The following HECTD4 variants were observed in gnomAD, a reference collection of about 807,000 sequenced individuals.
HECTD4 encodes HECT domain E3 ubiquitin protein ligase 4.
In HECTD4, 114 loss-of-function variants were observed where a neutral mutation model predicts 471.5. The observed-to-expected ratio is 0.24, with a 90% CI of 0.21 to 0.28. The LOEUF (loss-of-function observed/expected upper bound fraction) is 0.28. Among genes scored for constraint, HECTD4 ranks in the 10% least tolerant of loss-of-function variants. The pLI is 1.00. For synonymous variants in HECTD4, 2,012 were observed against 2,256.0 expected (o/e 0.89, Z 3.07); for missense variants, 3,866 against 5,651.5 (o/e 0.68, Z 10.13).
Position 112,172,856 on chromosome 12 carries a change from G to A in HECTD4, c.11600C>T (p.Ala3867Val). 2 of 1,613,902 alleles carry A rather than the reference G, an allele frequency of 1.2e-6. No homozygotes were observed. Among genetic ancestry groups the A allele is most frequent in the Non-Finnish European group, 1.7e-6 (2 of 1,179,832 alleles). Residue 3867 changes from alanine to valine, a missense_variant, in exon 67 of 76, where the codon GCA becomes GTA. Around this residue, in one of 16 missense-constraint regions of HECTD4, gnomAD observed 715 missense variants for 1,087.6 expected, o/e 0.66. Coordinates refer to ENST00000682272, the MANE Select transcript of HECTD4 (RefSeq NM_001388303.1). The part of the protein sequence containing the change: ...CGYDLHFERC[A>V]CIDVRHAQKA... ...CTGTGCATGTCGGACATCGATGCAT[G>A]CGCACCTTGGGGTGGGGACAGGGGG...
At chr12:112,191,786 CACTG>C (rs1797845087) in intron 59 of HECTD4, among the ~76,000 whole-genome samples, 1 of 152,208 alleles carries the variant, frequency 6.6e-6, no homozygotes, top group African/African-American at 2.4e-5. Flanking sequence ...ATGACCAAAT[CACTG>C]AAGAAATGTT....
chr12:112,177,207 A>T (rs1229276707), intron 64 of HECTD4, among the ~76,000 whole-genome samples: 1 of 152,170 alleles, frequency 6.6e-6, no homozygotes, highest in Non-Finnish European at 1.5e-5. Flanking sequence ...TAATGAATTA[A>T]CTTTTAAAAA....
Position 112,184,752 on chromosome 12 carries a change from G to T in HECTD4, c.10214C>A (p.Pro3405His). The change falls in exon 61 of 76, where the codon CCC (proline) becomes CAC (histidine). Residue 3405 changes from proline (P) to histidine (H), a missense_variant. By Grantham distance (77) the Pro-to-His change is moderately conservative. Transcript: ENST00000682272. The surrounding 1 kb of genome is among the most constrained non-coding windows in gnomAD (Gnocchi z 9.1). ...HSRLLVISGI[P>H]THLDEGVVRG... ...GACTACGCCCTCGTCCAGGTGGGTG[G>T]GGATCCCGGAGATCACCAGCAAGCG... The T allele has an allele frequency of 6.2e-7, 1 of 1,611,672 alleles. No individual in the cohort carries two copies. The highest frequency in any genetic ancestry group is 1.1e-5 in the South Asian group (1 of 90,886).
At chr12:112,302,597 T>G in intron 7 of HECTD4, 2 of 658,836 alleles carry the variant, frequency 3.0e-6, no homozygotes, top group South Asian at 3.1e-5. Context: ...ACCACTTTCT[T>G]GGCCTCCTGC....
intron 68 of HECTD4, 90 bp downstream of exon 68, chr12:112,171,027 G>A (rs1168665338): frequency 2.6e-6 from 3 of 1,157,568 alleles, no homozygotes; most frequent in Non-Finnish European, 2.4e-6. Flanking sequence ...TGGCGGGGCT[G>A]CCCAAGGACG....
At chr12:112,305,728 C>T (rs937816236) in intron 7 of HECTD4, among the ~76,000 whole-genome samples, 1 of 152,150 alleles carries the variant, frequency 6.6e-6, no homozygotes, top group Non-Finnish European at 1.5e-5. Flanking sequence ...CTCAGAGACT[C>T]CCAATTTCTA....
At chr12:112,274,729 C>CA in intron 10 of HECTD4, 118 bp downstream of exon 10, 1 of 658,580 alleles carries the variant, frequency 1.5e-6, no homozygotes, top group Non-Finnish European at 2.5e-6. Flanking sequence ...CAAAACAAAA[C>CA]AAAAAACGTC....
chr12:112,286,732 C>T (rs2034763020), intron 7 of HECTD4, among the ~76,000 whole-genome samples: 2 of 152,164 alleles, frequency 1.3e-5, no homozygotes, highest in Non-Finnish European at 2.9e-5. Context: ...CATGTCTTCC[C>T]TCATTTAAAA....
chr12:112,330,985 A>C (rs1161217628), intron 1 of HECTD4, among the ~76,000 whole-genome samples: 1 of 152,196 alleles, frequency 6.6e-6, no homozygotes, highest in Admixed American at 6.5e-5. Flanking sequence ...AAACAAGAGT[A>C]GTGAGTTGGT....
Position 112,274,855 on chromosome 12 carries a change from G to T in HECTD4, c.1793C>A (p.Pro598Gln). 1 of 1,541,934 alleles carries T rather than the reference G, an allele frequency of 6.5e-7. No homozygotes were observed. The highest frequency in any genetic ancestry group is 8.8e-7 in the Non-Finnish European group (1 of 1,139,308). The change falls in exon 10 of 76, where the codon CCA (proline) becomes CAA (glutamine). Residue 598 changes from proline to glutamine, a missense_variant. Pro to Gln is a moderately conservative substitution (Grantham distance 76, BLOSUM62 -1). This residue lies in a region of HECTD4 where 525 missense variants were observed against 672.6 expected (regional missense o/e 0.78). Coordinates refer to ENST00000682272, the MANE Select transcript of HECTD4 (RefSeq NM_001388303.1). ...GCAAGTTTATTTCTTACCCAATCCT[G>T]GTACGAGAGCACCACGCCCCAGTGA... Reference protein sequence around the residue: ...GSSLGRGALVPGLGACYDTVN... With the variant: ...GSSLGRGALVQGLGACYDTVN...
chr12:112,185,421 A>C lies in HECTD4; in HGVS notation c.9545T>G (p.Leu3182Arg), dbSNP rs1204884026. 6.3e-7 allele frequency: 1 copy of C among 1,594,498 alleles called. No homozygotes were observed. Among genetic ancestry groups the C allele is most frequent in the Non-Finnish European group, 8.6e-7 (1 of 1,169,016 alleles). Residue 3182 changes from leucine (L) to arginine (R), a missense_variant, in exon 61 of 76, where the codon CTG becomes CGG. Physicochemically the swap from Leu to Arg is moderately radical, Grantham distance 102. Around this residue, in one of 16 missense-constraint regions of HECTD4, gnomAD observed 364 missense variants for 413.2 expected, o/e 0.88. Coordinates refer to ENST00000682272, the MANE Select transcript of HECTD4 (RefSeq NM_001388303.1). ...ELVFHLLAELLRTVHTLEQRR... is the reference protein window; with the variant it reads ...ELVFHLLAELRRTVHTLEQRR... ...CTGCTCCAGGGTGTGCACCGTGCGC[A>C]GGAGCTCTGCCAGGAGATGGAAAAC...
intron 50 of HECTD4, 42 bp from the exon 51 acceptor site, chr12:112,208,672 G>A (rs776727283): frequency 2.7e-6 from 4 of 1,493,358 alleles, no homozygotes; most frequent in Non-Finnish European, 3.6e-6. Flanking sequence ...AACAAGAGCA[G>A]GCTAGAAAAA....
chr12:112,173,006 G>A lies in HECTD4; in HGVS notation c.11595-145C>T, dbSNP rs376832064. On this transcript the variant is annotated intron_variant, in intron 66 of 75. Coordinates refer to ENST00000682272, the MANE Select transcript of HECTD4 (RefSeq NM_001388303.1). The surrounding 1 kb of genome is among the most constrained non-coding windows in gnomAD (Gnocchi z 4.3). ...CCTTCCAGGTTGTTTCTTGGTGCCT[G>A]GACAGCTCCTCATGGGGAAAGCTCT... 2.7e-4 allele frequency: 183 copies of A among 688,572 alleles called. No homozygotes were observed. Among genetic ancestry groups the A allele is most frequent in the Non-Finnish European group, 4.3e-4 (173 of 398,274 alleles). 42.7% of individuals were successfully genotyped at this position (688,572 alleles called of 1,614,324 possible).
intron 45 of HECTD4, among the ~76,000 whole-genome samples, chr12:112,219,160 T>C (rs1048817196): frequency 2.0e-5 from 3 of 152,296 alleles, no homozygotes. Flanking sequence ...AATTATGAAG[T>C]TTCGCTCCCC....
At position 112,190,928 on chromosome 12, in the gene HECTD4, A is replaced by C. The variant is rs1381950346; in HGVS notation, c.9330T>G (p.His3110Gln). Residue 3110 changes from histidine (H) to glutamine (Q), a missense_variant, in exon 60 of 76, where the codon CAT becomes CAG. Transcript: ENST00000682272. ...CCAGTGGGAACTCCAGGGGCAGGGA[A>C]TGTAACACCAGGACTGCTCCAGGAG... ...SPPPGAVLVL[H>Q]SLPLEFPLAM... The C allele has an allele frequency of 1.3e-6, 2 of 1,568,202 alleles. No homozygotes were observed. The highest frequency in any genetic ancestry group is 8.6e-7 in the Non-Finnish European group (1 of 1,156,858).
At chr12:112,274,597 C>T (rs961596961) in intron 10 of HECTD4, among the ~76,000 whole-genome samples, 2 of 152,116 alleles carry the variant, frequency 1.3e-5, no homozygotes, top group Non-Finnish European at 1.5e-5. Flanking sequence ...GTCCCAGTTA[C>T]TCAGGAGGCT....
chr12:112,265,411 C>T (rs1745217507), intron 15 of HECTD4, 116 bp from the exon 16 acceptor site: 6 of 665,646 alleles, frequency 9.0e-6, no homozygotes, highest in Non-Finnish European at 1.4e-5. Flanking sequence ...GATTCTTAAG[C>T]AAATCACCTT....
intron 1 of HECTD4, among the ~76,000 whole-genome samples, chr12:112,345,372 T>C (rs112787305): frequency 6.6e-6 from 1 of 151,992 alleles, no homozygotes; most frequent in Non-Finnish European, 1.5e-5. Flanking sequence ...CTCTAACTCC[T>C]GTCTACAAAA....
rs140712503 is a variant in HECTD4, at chr12:112,312,983, A to T, written c.916+34T>A. The T allele has an allele frequency of 1.5e-3, 2,308 of 1,523,096 alleles. 31 individuals are homozygous for T. The African/African-American group carries it at 0.028, about 19-fold the overall frequency. The allele number at this position is 1,523,096 out of a possible 1,614,324, so 94.3% of individuals were successfully genotyped here. On this transcript the variant is annotated intron_variant, in intron 4 of 75. Transcript: ENST00000682272. ...TCTAAAACCTCTTTATTTACATCTTACTATTAATCACAGGACAAAAACTTT... is the reference window on the plus strand; with the variant it reads ...TCTAAAACCTCTTTATTTACATCTTTCTATTAATCACAGGACAAAAACTTT...
Sources: gnomAD v4.1 joint callset for allele counts (sites outside exome capture counted in the v4.1 genomes callset) on GRCh38, gnomAD v4.1.1 for gene constraint, gnomAD v4.1.1 regional missense constraint, Gnocchi (gnomAD v3.1) non-coding constraint, MANE v1.5 for transcripts, NCBI Gene and HGNC (gene_info 2026-07-23, HGNC 2026-07-21) for gene names.